ADAM8: variants seen among roughly 807,000 people sequenced by gnomAD.
The protein encoded by ADAM8 is disintegrin and metalloproteinase domain-containing protein 8.
Under a neutral mutation model 102.4 loss-of-function variants are expected in ADAM8, and 104 were observed. The ratio of observed to expected loss-of-function variants is 1.02; its 90% confidence interval spans 0.87 to 1.20. The LOEUF is 1.20. ADAM8 is among the 50% of genes most tolerant of loss of function. The pLI, the probability that ADAM8 is intolerant of heterozygous loss-of-function variation, is 0.00. For synonymous variants in ADAM8, 517 were observed against 485.2 expected, an observed-to-expected ratio of 1.07 and a Z score of -0.86; for missense variants, 1,132 against 1,159.0, an observed-to-expected ratio of 0.98 and a Z score of 0.34.
At chr10:133,267,529 T>G in intron 20 of ADAM8, 112 bp from the exon 21 acceptor site, 1 of 1,110,550 alleles carries the variant, frequency 9.0e-7, no homozygotes, top group Non-Finnish European at 1.3e-6. Context: ...TGGAGGCGTC[T>G]GCGCGGCCCA....
chr10:133,272,724 T>A, intron 8 of ADAM8, 74 bp downstream of exon 8: 1 of 1,513,872 alleles, frequency 6.6e-7, no homozygotes, highest in Non-Finnish European at 8.8e-7. Context: ...GCAGGTGGAA[T>A]GAACCCTGTG....
chr10:133,268,883 C>T (rs767386224), intron 18 of ADAM8, 21 bp from the exon 19 acceptor site: 6 of 1,600,272 alleles, frequency 3.7e-6, no homozygotes, highest in South Asian at 3.3e-5. Context: ...CACGGCCCCA[C>T]ATCAGGCAGG....
intron 12 of ADAM8, 78 bp downstream of exon 12, chr10:133,271,450 C>T: frequency 6.7e-7 from 1 of 1,485,534 alleles, no homozygotes; most frequent in Non-Finnish European, 9.0e-7. Flanking sequence ...TGTGGATGTG[C>T]AGTGGTCACC....
chr10:133,273,557 G>GC (rs1158901080), intron 5 of ADAM8, 114 bp from the exon 6 acceptor site: 5 of 1,342,388 alleles, frequency 3.7e-6, no homozygotes, highest in East Asian at 2.5e-5. Context: ...GCCACCAGCA[G>GC]CCCCCCGCAG....
At position 133,271,622 on chromosome 10, in the gene ADAM8, G is replaced by A. The variant is rs1249888746; in HGVS notation, c.1190C>T (p.Ala397Val). The change falls in exon 12 of 23, where the codon GCC becomes GTC. Residue 397 changes from alanine (A) to valine (V), a missense_variant. Ala to Val is a moderately conservative substitution (Grantham distance 64, BLOSUM62 0). Transcript: ENST00000445355. The stretch of plus-strand genomic sequence containing the variant: ...CAGGTGGCTGAGGTCAGGGGCGTTG[G>A]CGAGGCACACCGACTGCGGCCGCTC... Reference protein sequence around the residue: ...FLERPQSVCLANAPDLSHLVG... With the variant: ...FLERPQSVCLVNAPDLSHLVG... The A allele has an allele frequency of 1.3e-6, 2 of 1,556,066 alleles. No individual in the cohort carries two copies. The highest frequency in any genetic ancestry group is 1.7e-6 in the Non-Finnish European group (2 of 1,149,974).
rs761758818 is a variant in ADAM8 at position 133,273,314 on chromosome 10, G to A, written c.513C>T (p.Asp171=). The change falls in exon 6 of 23, where the codon GAC becomes GAT. Residue 171 remains aspartate (D), a synonymous_variant. Coordinates refer to ENST00000445355, the MANE Select transcript of ADAM8 (RefSeq NM_001109.5). ...GTCCCAGGAGGCTGCCCAGGCTGTC[G>A]TCGCTGACCCCGCAGGTCCCGGCCG... ...LQTAGTCGVS[D]DSLGSLLGPR... is the part of the protein sequence containing the mutation. The A allele has an allele frequency of 8.8e-6, 14 of 1,586,818 alleles. No individual in the cohort carries two copies. In the East Asian group the frequency reaches 9.2e-5, roughly 10 times the overall value.
rs556384229 is a variant in ADAM8 at position 133,263,163 on chromosome 10, G to C, written c.2468C>G (p.Ala823Gly). The change falls in exon 23 of 23, where the codon GCA becomes GGA. Residue 823 changes from alanine (A) to glycine (G), a missense_variant. Coordinates refer to ENST00000445355, the MANE Select transcript of ADAM8 (RefSeq NM_001109.5). Reference protein sequence around the residue: ...QRKQGAGAPTAP With the variant: ...QRKQGAGAPTGP ...ACAGGCGCAGGTGCCCCCCTAGGGTGCTGTGGGAGCTCCGGCTCCTTGCTT... is the reference window on the plus strand; with the variant it reads ...ACAGGCGCAGGTGCCCCCCTAGGGTCCTGTGGGAGCTCCGGCTCCTTGCTT... 1.9e-6 allele frequency: 3 copies of C among 1,613,982 alleles called. No individual in the cohort carries two copies. The highest frequency in any genetic ancestry group is 2.5e-6 in the Non-Finnish European group (3 of 1,179,888).
At chr10:133,263,928 C>G (rs1846244021) in intron 21 of ADAM8, 163 bp from the exon 22 acceptor site, 1 of 554,430 alleles carries the variant, frequency 1.8e-6, no homozygotes, top group Non-Finnish European at 3.0e-6. Context: ...CAGAAAAGCC[C>G]TCCTGGCTGC....
chr10:133,267,328 G>A (rs942781548), intron 21 of ADAM8, 24 bp downstream of exon 21: 5 of 1,598,026 alleles, frequency 3.1e-6, no homozygotes, highest in Non-Finnish European at 4.3e-6. Flanking sequence ...CAGAAGGCTT[G>A]GCCGCCCAAT....
At chr10:133,274,295 C>G (rs1846660783) in intron 2 of ADAM8, 60 bp from the exon 3 acceptor site, 1 of 1,454,958 alleles carries the variant, frequency 6.9e-7, no homozygotes, top group Non-Finnish European at 9.1e-7. Flanking sequence ...CCACCTCAAT[C>G]CTGGGGGCCA....
In ADAM8 at chr10:133,268,225, C is replaced by A. The variant is rs1312034850; in HGVS notation, c.2064-107G>T. ...CCAGCCGACCCGAGAGGCTTCAGGG[C>A]GAGAGGTTGTGGCCATGAGAGACAG... On this transcript the variant is annotated intron_variant, in intron 19 of 22. Coordinates refer to ENST00000445355, the MANE Select transcript of ADAM8 (RefSeq NM_001109.5). The A allele has an allele frequency of 3.8e-6, 4 of 1,052,428 alleles. No individual in the cohort carries two copies. The African/African-American group carries it at 5.0e-5, about 13-fold the overall frequency. The allele number at this position is 1,052,428 out of a possible 1,614,324, so 65.2% of individuals were successfully genotyped here. A position where few individuals can be genotyped will look rare whatever the true frequency, so the allele number is the denominator to read the frequency against.
At position 133,276,856 on chromosome 10, in the gene ADAM8, C is replaced by T. The variant is rs764453848; in HGVS notation, c.-39G>A. Reference sequence around the variant, plus strand: ...AGCAGAGGCGGAGGTGACAGCCCCGCGGGACACGGTCTGGTTCCTGCGCTC... The same window carrying T: ...AGCAGAGGCGGAGGTGACAGCCCCGTGGGACACGGTCTGGTTCCTGCGCTC... On this transcript the variant is annotated 5_prime_UTR_variant, in exon 1 of 23. Transcript: ENST00000445355. The T allele has an allele frequency of 6.7e-7, 1 of 1,503,674 alleles. No individual in the cohort carries two copies. Among genetic ancestry groups the T allele is most frequent in the South Asian group, 1.2e-5 (1 of 81,156 alleles). The allele number at this position is 1,503,674 out of a possible 1,614,324, so 93.1% of individuals were successfully genotyped here. A position where few individuals can be genotyped will look rare whatever the true frequency, so the allele number is the denominator to read the frequency against.
intron 20 of ADAM8, among the ~76,000 whole-genome samples, chr10:133,267,694 T>C (rs1372094477): frequency 6.6e-6 from 1 of 152,134 alleles, no homozygotes; most frequent in African/African-American, 2.4e-5. Context: ...CCCCCAAGTT[T>C]AAGTTCAAGC....
At chr10:133,275,675 G>A in intron 1 of ADAM8, 88 bp from the exon 2 acceptor site, 1 of 703,330 alleles carries the variant, frequency 1.4e-6, no homozygotes. Flanking sequence ...TCTGTCTCTT[G>A]CTGGGCTTGA....
At chr10:133,273,895 C>A (rs765626551) in intron 4 of ADAM8, 56 bp downstream of exon 4, 1 of 1,553,548 alleles carries the variant, frequency 6.4e-7, no homozygotes, top group East Asian at 2.4e-5. Context: ...CCCACAGGCT[C>A]GGGGAGGGCC....
Position 133,273,365 on chromosome 10 carries a change from C to T in ADAM8, c.462G>A (p.Val154=). The change falls in exon 6 of 23, where the codon GTG becomes GTA. Residue 154 remains valine, a synonymous_variant. Transcript: ENST00000445355. ...TCTGCAGCAGGTGCTCAGCCTGGTA[C>T]ACGGCGTGCCGTCCGCCCTCGCCAC... ...DEGGEGGRHA[V]YQAEHLLQTA... is the part of the protein sequence containing the mutation. 1 of 1,557,222 alleles carries T rather than the reference C, an allele frequency of 6.4e-7. No homozygotes were observed. Among genetic ancestry groups the T allele is most frequent in the Non-Finnish European group, 8.7e-7 (1 of 1,151,078 alleles).
At position 133,268,799 on chromosome 10, in the gene ADAM8, G is replaced by A; in HGVS notation, c.2012C>T (p.Thr671Ile). 2 of 1,610,832 alleles carry A rather than the reference G, an allele frequency of 1.2e-6. No individual in the cohort carries two copies. Among genetic ancestry groups the A allele is most frequent in the South Asian group, 2.2e-5 (2 of 91,080 alleles). Residue 671 changes from threonine to isoleucine, a missense_variant, in exon 19 of 23, where the codon ACC becomes ATC. Physicochemically the swap from Thr to Ile is moderately conservative, Grantham distance 89. Transcript: ENST00000445355. Reference sequence around the variant, plus strand: ...GCGGTAGACGATGATGCCTGCCAGGGTGACCAGCACAACTGCCAGGAGCAC... The same window carrying A: ...GCGGTAGACGATGATGCCTGCCAGGATGACCAGCACAACTGCCAGGAGCAC... ...VLVLLAVVLVTLAGIIVYRKA... is the reference protein window; with the variant it reads ...VLVLLAVVLVILAGIIVYRKA...
chr10:133,263,811 C>A, intron 21 of ADAM8, 46 bp from the exon 22 acceptor site: 1 of 1,400,444 alleles, frequency 7.1e-7, no homozygotes, highest in South Asian at 1.5e-5. Flanking sequence ...CAGGCACTCC[C>A]GGCTCTAGCC....
chr10:133,271,742 G>A (rs746509906), intron 11 of ADAM8, 37 bp from the exon 12 acceptor site: 3 of 1,581,710 alleles, frequency 1.9e-6, no homozygotes, highest in African/African-American at 2.8e-5. Flanking sequence ...AGGCGGCCTG[G>A]CCCCTTCCCC....
Sources: allele counts gnomAD v4.1 joint callset (sites outside exome capture counted in the v4.1 genomes callset), GRCh38; gene constraint gnomAD v4.1.1; transcripts MANE v1.5; gene names NCBI Gene and HGNC (gene_info 2026-07-23, HGNC 2026-07-21).